The following STXBP4 variants were observed in gnomAD, a reference collection of about 807,000 sequenced individuals.
STXBP4 encodes the protein syntaxin binding protein 4.
In STXBP4, 55 loss-of-function variants were observed where a neutral mutation model predicts 76.1. The observed-to-expected ratio is 0.72, with a 90% CI of 0.58 to 0.91. STXBP4 has a LOEUF of 0.91. STXBP4 is among the 40% of genes least tolerant of loss of function. STXBP4 has a pLI of 0.00. For synonymous variants in STXBP4, 201 were observed against 220.2 expected, an observed-to-expected ratio of 0.91 and a Z score of 0.77; for missense variants, 618 against 636.9, an observed-to-expected ratio of 0.97 and a Z score of 0.32.
the STXBP4 span, among the ~76,000 whole-genome samples, chr17:55,194,653 C>T: frequency 2.0e-5 from 3 of 152,196 alleles, no homozygotes; most frequent in Non-Finnish European, 4.4e-5. Context: ...TGCAGACAGA[C>T]AGAAGGCACA....
At chr17:55,191,390 T>C in the STXBP4 span, among the ~76,000 whole-genome samples, 1 of 152,154 alleles carries the variant, frequency 6.6e-6, no homozygotes, top group Non-Finnish European at 1.5e-5. Context: ...AGAAAACGCA[T>C]TCTTCCTGAT....
chr17:54,999,748 C>T lies in STXBP4; in HGVS notation c.404C>T (p.Ser135Leu). ...TCAGGAGAATATGGACCTCAAGCCT[C>T]AACATTAAGTCTTTTTTCTTCTCCT... ...EASGEYGPQA[S>L]TLSLFSSPPE... Residue 135 changes from serine (S) to leucine (L), a missense_variant, in exon 6 of 18, where the codon TCA becomes TTA. Physicochemically the swap from Ser to Leu is moderately radical, Grantham distance 145 (BLOSUM62 -2). Transcript: ENST00000376352. The T allele has an allele frequency of 1.2e-6, 2 of 1,613,586 alleles. No individual in the cohort carries two copies.
the STXBP4 span, among the ~76,000 whole-genome samples, chr17:55,208,640 A>G: frequency 1.6e-5 from 2 of 128,046 alleles, no homozygotes; most frequent in South Asian, 2.5e-4. Flanking sequence ...GGAGAGGAGT[A>G]AGAATACAAC....
chr17:55,079,448 C>T (rs552190159), intron 15 of STXBP4, among the ~76,000 whole-genome samples: 31 of 152,068 alleles, frequency 2.0e-4, no homozygotes, highest in Admixed American at 1.0e-3. Flanking sequence ...TAGCAATATA[C>T]GCTTGCAGAA....
intron 10 of STXBP4, among the ~76,000 whole-genome samples, chr17:55,041,269 C>T (rs1050783233): frequency 1.4e-5 from 2 of 147,482 alleles, no homozygotes; most frequent in Non-Finnish European, 3.0e-5. Flanking sequence ...TCTCACCCTG[C>T]CATCAGGCTG....
rs756872776 is a variant in STXBP4 at position 55,073,067 on chromosome 17, C to G, written c.1179C>G (p.Asp393Glu). 1 of 1,613,362 alleles carries G rather than the reference C, an allele frequency of 6.2e-7. No homozygotes were observed. The highest frequency in any genetic ancestry group is 8.5e-7 in the Non-Finnish European group (1 of 1,179,698). ...AGGCTCAGCTTGCTGATTATTCTGA[C>G]CAAAATAAAGTAAGCAAAGCAGTCA... ...ELKAQLADYSDQNKESVQDLK... is the reference protein window; with the variant it reads ...ELKAQLADYSEQNKESVQDLK... Residue 393 changes from aspartate to glutamate, a missense_variant, in exon 13 of 18, where the codon GAC (aspartate) becomes GAG (glutamate). Physicochemically the swap from Asp to Glu is conservative, Grantham distance 45 (BLOSUM62 2). Transcript: ENST00000376352.
At chr17:55,027,543 C>A (rs1241530883) in intron 8 of STXBP4, among the ~76,000 whole-genome samples, 3 of 152,106 alleles carry the variant, frequency 2.0e-5, no homozygotes, top group Non-Finnish European at 2.9e-5. Flanking sequence ...TCAAAAACTA[C>A]TTGTATCCCA....
intron 7 of STXBP4, among the ~76,000 whole-genome samples, 159 bp downstream of exon 7, chr17:55,001,042 T>TA (rs1334814516): frequency 1.3e-5 from 2 of 152,232 alleles, no homozygotes; most frequent in Non-Finnish European, 2.9e-5. Flanking sequence ...TGGGCCCTGT[T>TA]AAAGTATGAC....
chr17:54,970,948 G>GT (rs2077391170), intron 1 of STXBP4, among the ~76,000 whole-genome samples: 2 of 150,814 alleles, frequency 1.3e-5, no homozygotes, highest in South Asian at 4.2e-4. Context: ...TGAAATGACA[G>GT]TTCATGTTTA....
chr17:55,027,974 G>T (rs947866355), intron 8 of STXBP4, among the ~76,000 whole-genome samples: 2 of 151,874 alleles, frequency 1.3e-5, no homozygotes, highest in African/African-American at 4.8e-5. Flanking sequence ...AAATTCATGG[G>T]AATAGTAAAT....
intron 1 of STXBP4, among the ~76,000 whole-genome samples, chr17:54,974,173 G>A (rs16955465): frequency 0.038 from 5,769 of 152,232 alleles, 391 homozygotes; most frequent in African/African-American, 0.13. Context: ...TCCATTTAAC[G>A]ATGTGAAATA....
At chr17:55,031,298 G>T in intron 9 of STXBP4, 34 bp downstream of exon 9, 2 of 1,466,132 alleles carry the variant, frequency 1.4e-6, no homozygotes, top group South Asian at 2.3e-5. Context: ...TATTATCACT[G>T]AATCATCATT....
In STXBP4 at chr17:55,047,144, A is replaced by T. The variant is rs1459097759; in HGVS notation, c.1001A>T (p.Asn334Ile). The stretch of plus-strand genomic sequence containing the variant: ...AAACAATTGACAGAAGAGCTCCAGA[A>T]TGTGAAACAAGTAAGTATATGTATT... The part of the protein sequence containing the change: ...QRKQLTEELQ[N>I]VKQEAKAVVE... The change falls in exon 12 of 18, where the codon AAT (asparagine) becomes ATT (isoleucine). Residue 334 changes from asparagine to isoleucine, a missense_variant. Coordinates refer to ENST00000376352, the MANE Select transcript of STXBP4 (RefSeq NM_178509.6). 5 of 1,600,712 alleles carry T rather than the reference A, an allele frequency of 3.1e-6. No individual in the cohort carries two copies.
Position 55,078,241 on chromosome 17 carries a change from C to T in STXBP4, c.1305+47C>T, listed in dbSNP as rs201209814. ...CATTCATCTTTAAAAAATATATAGGCAACTGGCATATAGATAAATGTTACT... is the reference window on the plus strand; with the variant it reads ...CATTCATCTTTAAAAAATATATAGGTAACTGGCATATAGATAAATGTTACT... On this transcript the variant is annotated intron_variant, in intron 14 of 17. Coordinates refer to ENST00000376352, the MANE Select transcript of STXBP4 (RefSeq NM_178509.6). The T allele has an allele frequency of 5.4e-5, 65 of 1,200,306 alleles. No individual in the cohort carries two copies. The Middle Eastern group carries it at 1.2e-3, about 22-fold the overall frequency. 74.4% of individuals were successfully genotyped at this position (1,200,306 alleles called of 1,614,324 possible). A position where few individuals can be genotyped will look rare whatever the true frequency, so the allele number is the denominator to read the frequency against.
At chr17:55,084,400 G>A (rs1390262555) in intron 16 of STXBP4, among the ~76,000 whole-genome samples, 6 of 152,076 alleles carry the variant, frequency 3.9e-5, no homozygotes, top group Admixed American at 2.0e-4. Context: ...CAGATGAGTA[G>A]GTTGCGAAAA....
intron 1 of STXBP4, among the ~76,000 whole-genome samples, chr17:54,981,076 A>T (rs1340173722): frequency 1.3e-5 from 2 of 152,164 alleles, no homozygotes; most frequent in Non-Finnish European, 2.9e-5. Context: ...CCTGCTATAG[A>T]AGTTCACAAA....
chr17:55,121,444 C>T (rs1179984905), intron 16 of STXBP4, among the ~76,000 whole-genome samples: 1 of 152,072 alleles, frequency 6.6e-6, no homozygotes, highest in Admixed American at 6.6e-5. Context: ...CTCATTATGT[C>T]ATTATGAGCA....
chr17:55,047,056 A>G (rs757753205), intron 11 of STXBP4, 33 bp from the exon 12 acceptor site: 35 of 1,357,316 alleles, frequency 2.6e-5, no homozygotes, highest in Middle Eastern at 1.8e-4. Flanking sequence ...TACTTTCATA[A>G]CAAGTTGTTA....
chr17:55,017,437 C>G (rs1273753047), intron 8 of STXBP4, among the ~76,000 whole-genome samples: 1 of 152,172 alleles, frequency 6.6e-6, no homozygotes, highest in African/African-American at 2.4e-5. Context: ...AAGGACGCAG[C>G]AGCGTAGAGC....
Sources: gnomAD v4.1 joint callset for allele counts (sites outside exome capture counted in the v4.1 genomes callset) on GRCh38, gnomAD v4.1.1 for gene constraint, MANE v1.5 for transcripts, NCBI Gene and HGNC (gene_info 2026-07-23, HGNC 2026-07-21) for gene names.